The following IGF1R variants were observed in gnomAD, a reference collection of about 807,000 sequenced individuals.
IGF1R encodes the protein insulin-like growth factor 1 receptor.
Under a neutral mutation model 144.6 loss-of-function variants are expected in IGF1R, and 44 were observed. The ratio of observed to expected loss-of-function variants is 0.30; its 90% confidence interval spans 0.24 to 0.39. The LOEUF (loss-of-function observed/expected upper bound fraction) is 0.39, where lower values mean the gene tolerates loss of function less well. IGF1R is among the 10% of genes least tolerant of loss of function. IGF1R has a pLI of 1.00. For missense variants in IGF1R, 1,355 were observed against 1,833.7 expected (o/e 0.74, Z 4.77); for synonymous variants, 795 against 722.8 (o/e 1.10, Z -1.60).
At chr15:98,924,038 C>G in intron 12 of IGF1R, 26 bp downstream of exon 12, 1 of 1,609,132 alleles carries the variant, frequency 6.2e-7, no homozygotes. Flanking sequence ...TGGCCCGTGC[C>G]TGCATGTACT....
In IGF1R at chr15:98,708,127, C is replaced by T. The variant is rs7174918; in HGVS notation, c.640+20C>T. ...AGAAAAGTAAGAATGATGCTGACTG[C>T]TGCTTTCTCTCTGCCTCTCTCTCTC... On this transcript the variant is annotated intron_variant, in intron 2 of 20. Transcript: ENST00000650285. The T allele has an allele frequency of 0.31, 492,994 of 1,598,980 alleles. 78,583 individuals are homozygous for T. The highest frequency in any genetic ancestry group is 0.37 in the Middle Eastern group (1,875 of 5,006).
rs1282006236 is a variant in IGF1R, at chr15:98,792,897, GAA to G, written c.640+84791_640+84792del. Among the ~76,000 whole-genome samples the G allele has an allele frequency of 3.9e-5, 6 of 152,308 alleles. No homozygotes were observed. The East Asian group carries it at 1.2e-3, about 29-fold the overall frequency. On this transcript the variant is annotated intron_variant, in intron 2 of 20. Coordinates refer to ENST00000650285, the MANE Select transcript of IGF1R (RefSeq NM_000875.5). Reference sequence around the variant, plus strand: ...ACAGATGTAAGTTTAACAGGCTTCTGAACTGGATGTTTCTATGCGCTGAAACT... The same window carrying G: ...ACAGATGTAAGTTTAACAGGCTTCTGCTGGATGTTTCTATGCGCTGAAACT...
chr15:98,676,122 G>A (rs1446888367), intron 1 of IGF1R, among the ~76,000 whole-genome samples: 1 of 150,978 alleles, frequency 6.6e-6, no homozygotes, highest in African/African-American at 2.4e-5. Flanking sequence ...GAGCCACTGC[G>A]CCCAGCCTAG....
chr15:98,821,437 A>G (rs1484835303), intron 2 of IGF1R, among the ~76,000 whole-genome samples: 2 of 152,228 alleles, frequency 1.3e-5, no homozygotes, highest in Non-Finnish European at 2.9e-5. Flanking sequence ...AGAGTAAAAC[A>G]GAATCATGAG....
At chr15:98,651,413 C>T (rs2052363653) in intron 1 of IGF1R, among the ~76,000 whole-genome samples, 2 of 152,112 alleles carry the variant, frequency 1.3e-5, no homozygotes, top group South Asian at 4.1e-4. Flanking sequence ...TTCCGGCTCC[C>T]TTTACTAAGT....
At chr15:98,867,944 CAAT>C (rs2012542340) in intron 2 of IGF1R, among the ~76,000 whole-genome samples, 1 of 152,114 alleles carries the variant, frequency 6.6e-6, no homozygotes, top group Admixed American at 6.5e-5. Flanking sequence ...CTCGTGTCTC[CAAT>C]GTCAGCACTT....
chr15:98,902,731 T>C (rs1392726186), intron 5 of IGF1R, among the ~76,000 whole-genome samples: 1 of 152,186 alleles, frequency 6.6e-6, no homozygotes, highest in African/African-American at 2.4e-5. Context: ...ACTTCTTTTA[T>C]AGCCAGTGAT....
chr15:98,700,461 C>G (rs541007297), intron 1 of IGF1R, among the ~76,000 whole-genome samples: 4 of 152,256 alleles, frequency 2.6e-5, no homozygotes, highest in African/African-American at 9.6e-5. Context: ...GTGGGTCTCA[C>G]AGGGTGGTGC....
At chr15:98,726,712 A>ATTTTT (rs756622481) in intron 2 of IGF1R, among the ~76,000 whole-genome samples, 18 of 93,086 alleles carry the variant, frequency 1.9e-4, no homozygotes, top group East Asian at 3.1e-4. Flanking sequence ...TACATTGATG[A>ATTTTT]TTTTTTTTTT....
chr15:98,654,440 A>G lies in IGF1R; in HGVS notation c.94+4765A>G, dbSNP rs554745172. On this transcript the variant is annotated intron_variant, in intron 1 of 20. Coordinates refer to ENST00000650285, the MANE Select transcript of IGF1R (RefSeq NM_000875.5). ...AAGTTTTCTGGATTACATATTGCTT[A>G]GTTAGCTTTCTAGAAATCAGGAAGC... 1.3e-5 allele frequency among the ~76,000 whole-genome samples: 2 copies of G among 152,330 alleles called. No homozygotes were observed. Among genetic ancestry groups the G allele is most frequent in the Admixed American group, 6.5e-5 (1 of 15,300 alleles).
chr15:98,721,018 G>A (rs1415904889), intron 2 of IGF1R, among the ~76,000 whole-genome samples: 2 of 152,154 alleles, frequency 1.3e-5, no homozygotes, highest in African/African-American at 4.8e-5. Flanking sequence ...TTTCTCAGTG[G>A]TTTGGGAGTT....
intron 20 of IGF1R, among the ~76,000 whole-genome samples, chr15:98,956,473 C>T (rs8025801): frequency 0.075 from 11,406 of 152,294 alleles, 716 homozygotes; most frequent in African/African-American, 0.17. Flanking sequence ...ACAGCAGACT[C>T]GGAGTGTGCA....
intron 4 of IGF1R, among the ~76,000 whole-genome samples, chr15:98,898,431 A>T (rs751986423): frequency 3.3e-5 from 5 of 152,208 alleles, no homozygotes; most frequent in Non-Finnish European, 7.4e-5. Context: ...ATCTCATTAG[A>T]GGGGAAATTT....
chr15:98,744,513 A>C (rs1263970501), intron 2 of IGF1R, among the ~76,000 whole-genome samples: 1 of 151,974 alleles, frequency 6.6e-6, no homozygotes, highest in Non-Finnish European at 1.5e-5. Context: ...GGGAGGTGGG[A>C]TGGCAGCCAG....
At chr15:98,820,382 G>C (rs1215096251) in intron 2 of IGF1R, among the ~76,000 whole-genome samples, 1 of 152,080 alleles carries the variant, frequency 6.6e-6, no homozygotes, top group Non-Finnish European at 1.5e-5. Flanking sequence ...AATTTTTAAA[G>C]GAAACATTTC....
intron 12 of IGF1R, 28 bp from the exon 13 acceptor site, chr15:98,924,497 A>G: frequency 6.2e-7 from 1 of 1,613,426 alleles, no homozygotes; most frequent in Non-Finnish European, 8.5e-7. Flanking sequence ...ATTCATGGGA[A>G]ATTGACATGT....
intron 10 of IGF1R, among the ~76,000 whole-genome samples, chr15:98,919,202 C>T (rs558735511): frequency 2.8e-4 from 43 of 152,364 alleles, no homozygotes; most frequent in African/African-American, 9.9e-4. Context: ...CACACCGACT[C>T]TTTTCCCCCT....
intron 1 of IGF1R, among the ~76,000 whole-genome samples, chr15:98,678,867 GGT>G (rs2053115152): frequency 6.6e-6 from 1 of 150,824 alleles, no homozygotes; most frequent in African/African-American, 2.4e-5. Flanking sequence ...CTTTAAAAAA[GGT>G]CTTCCATGGG....
In IGF1R at chr15:98,964,483, T is replaced by TAA. The variant is rs1567231235; in HGVS notation, c.*7042_*7043insAA. ...TAGTTTCTCTTACTCTGCTTTTTTC[T>TAA]AGTAAAGTACTACATGGTTTAAGTT... is the stretch of plus-strand genomic sequence containing the variant. On this transcript the variant is annotated 3_prime_UTR_variant, in exon 21 of 21. Coordinates refer to ENST00000650285, the MANE Select transcript of IGF1R (RefSeq NM_000875.5). 1.4e-5 allele frequency: 3 copies of TAA among 221,262 alleles called. No individual in the cohort carries two copies. Among genetic ancestry groups the TAA allele is most frequent in the African/African-American group, 6.7e-5 (3 of 44,544 alleles). 13.7% of individuals were successfully genotyped at this position (221,262 alleles called of 1,614,324 possible).
Sources: gnomAD v4.1 joint callset for allele counts (sites outside exome capture counted in the v4.1 genomes callset) on GRCh38, gnomAD v4.1.1 for gene constraint, MANE v1.5 for transcripts, NCBI Gene and HGNC (gene_info 2026-07-23, HGNC 2026-07-21) for gene names.